LRRC8C: variants seen among roughly 807,000 people sequenced by gnomAD.
LRRC8C encodes volume-regulated anion channel subunit LRRC8C.
A neutral mutation model predicts 55.3 loss-of-function variants in LRRC8C; 20 were observed. That is an observed-to-expected ratio of 0.36 (90% CI 0.25 to 0.53). The LOEUF (loss-of-function observed/expected upper bound fraction) is 0.53. LRRC8C is among the 20% of genes least tolerant of loss of function. The probability of loss-of-function intolerance (pLI) is 0.92; values close to 1 mark genes in which losing one functional copy is unlikely to be tolerated. For missense variants in LRRC8C, 659 were observed against 951.4 expected (o/e 0.69, Z 4.04); for synonymous variants, 376 against 360.7 (o/e 1.04, Z -0.48).
At chr1:89,623,010 A>G in the LRRC8C span, among the ~76,000 whole-genome samples, 1 of 152,188 alleles carries the variant, frequency 6.6e-6, no homozygotes, top group African/African-American at 2.4e-5. Context: ...AAGAGATCAG[A>G]GATGTTTTCA....
the LRRC8C span, among the ~76,000 whole-genome samples, chr1:89,619,765 A>T: frequency 1.3e-5 from 2 of 152,190 alleles, no homozygotes; most frequent in African/African-American, 4.8e-5. Context: ...TATTAATAAA[A>T]ATTAATGTTT....
intron 2 of LRRC8C, among the ~76,000 whole-genome samples, chr1:89,708,206 A>G (rs2101346964): frequency 6.6e-6 from 1 of 152,006 alleles, no homozygotes. Context: ...TTGAAAGAAA[A>G]TGGCGGAATT....
chr1:89,622,340 T>TTTTG, the LRRC8C span, among the ~76,000 whole-genome samples: 1 of 151,054 alleles, frequency 6.6e-6, no homozygotes, highest in Non-Finnish European at 1.5e-5. Flanking sequence ...GTAAAATTTT[T>TTTTG]TTTTTTTTTT....
chr1:89,716,167 G>A lies in LRRC8C; in HGVS notation c.*1185G>A, dbSNP rs183696870. The A allele has an allele frequency of 6.6e-5, 10 of 152,188 alleles. No individual in the cohort carries two copies. The East Asian group carries it at 1.9e-3, about 29-fold the overall frequency. The allele number at this position is 152,188 out of a possible 1,614,324, so 9.4% of individuals were successfully genotyped here. A position where few individuals can be genotyped will look rare whatever the true frequency, so the allele number is the denominator to read the frequency against. On this transcript the variant is annotated 3_prime_UTR_variant, in exon 3 of 3. Coordinates refer to ENST00000370454, the MANE Select transcript of LRRC8C (RefSeq NM_032270.5). ...TTTAAATAGGATTTACATTGTTTTA[G>A]GTATTATAAATTACCTAGAGATGAT...
chr1:89,663,260 G>A (rs1225373832), intron 1 of LRRC8C, among the ~76,000 whole-genome samples: 3 of 152,112 alleles, frequency 2.0e-5, no homozygotes, highest in African/African-American at 4.8e-5. Flanking sequence ...CTTTGCTATT[G>A]TGAAGAGTGC....
intron 1 of LRRC8C, among the ~76,000 whole-genome samples, chr1:89,668,694 A>C (rs556873396): frequency 6.6e-6 from 1 of 152,298 alleles, no homozygotes; most frequent in Admixed American, 6.5e-5. Context: ...AATTTTTGCT[A>C]TGCCCTTCAC....
chr1:89,655,671 A>G (rs1282608973), intron 1 of LRRC8C, among the ~76,000 whole-genome samples: 1 of 152,236 alleles, frequency 6.6e-6, no homozygotes, highest in Non-Finnish European at 1.5e-5. Context: ...AAAGAGCTAG[A>G]GAGAGCAAGA....
At chr1:89,675,522 G>A (rs1657526266) in intron 1 of LRRC8C, among the ~76,000 whole-genome samples, 1 of 152,178 alleles carries the variant, frequency 6.6e-6, no homozygotes, top group Non-Finnish European at 1.5e-5. Context: ...CTTTGTTCAA[G>A]GGGTAAAACT....
the LRRC8C span, among the ~76,000 whole-genome samples, chr1:89,617,220 T>A: frequency 2.6e-5 from 4 of 152,158 alleles, no homozygotes; most frequent in East Asian, 3.9e-4. Flanking sequence ...TAGGCTTGGG[T>A]TTTTTTGCCT....
At position 89,718,064 on chromosome 1, in the gene LRRC8C, A is replaced by G. The variant is rs1280915799; in HGVS notation, c.*3082A>G. On this transcript the variant is annotated 3_prime_UTR_variant, in exon 3 of 3. Coordinates refer to ENST00000370454, the MANE Select transcript of LRRC8C (RefSeq NM_032270.5). ...AACTCACCAAAGAAGACCACACCTCAGAAATTATTGCATTTTCTCATTATG... is the reference window on the plus strand; with the variant it reads ...AACTCACCAAAGAAGACCACACCTCGGAAATTATTGCATTTTCTCATTATG... 1 of 152,208 alleles carries G rather than the reference A, an allele frequency of 6.6e-6. No homozygotes were observed. The highest frequency in any genetic ancestry group is 1.5e-5 in the Non-Finnish European group (1 of 68,016). The allele number at this position is 152,208 out of a possible 1,614,324, so 9.4% of individuals were successfully genotyped here. A position where few individuals can be genotyped will look rare whatever the true frequency, so the allele number is the denominator to read the frequency against.
intron 1 of LRRC8C, among the ~76,000 whole-genome samples, chr1:89,652,037 A>G (rs1167559602): frequency 6.6e-6 from 1 of 152,104 alleles, no homozygotes; most frequent in Non-Finnish European, 1.5e-5. Context: ...GTTTGGGACT[A>G]TTTTTCTTTT....
intron 2 of LRRC8C, among the ~76,000 whole-genome samples, chr1:89,703,602 A>G (rs986400046): frequency 6.6e-6 from 1 of 151,994 alleles, no homozygotes; most frequent in Non-Finnish European, 1.5e-5. Flanking sequence ...GGGAACAACA[A>G]ATTGGTATAG....
chr1:89,640,148 G>A (rs528856753), intron 1 of LRRC8C, among the ~76,000 whole-genome samples: 3 of 152,202 alleles, frequency 2.0e-5, no homozygotes, highest in South Asian at 2.1e-4. Context: ...CACTGCAACC[G>A]CTGCCTCCTG....
At chr1:89,697,119 C>G (rs902659641) in intron 2 of LRRC8C, among the ~76,000 whole-genome samples, 5 of 152,204 alleles carry the variant, frequency 3.3e-5, no homozygotes, top group African/African-American at 4.8e-5. Flanking sequence ...TGGATATTAT[C>G]TTTTAAGGAT....
At chr1:89,651,327 G>A (rs1171857908) in intron 1 of LRRC8C, among the ~76,000 whole-genome samples, 1 of 152,110 alleles carries the variant, frequency 6.6e-6, no homozygotes, top group African/African-American at 2.4e-5. Context: ...CCAACACTTT[G>A]GGAGGCCAAG....
At position 89,719,483 on chromosome 1, in the gene LRRC8C, G is replaced by C. The variant is rs1197466826; in HGVS notation, c.*4501G>C. 1 of 152,090 alleles carries C rather than the reference G, an allele frequency of 6.6e-6. No individual in the cohort carries two copies. Among genetic ancestry groups the C allele is most frequent in the Non-Finnish European group, 1.5e-5 (1 of 68,006 alleles). The allele number at this position is 152,090 out of a possible 1,614,324, so 9.4% of individuals were successfully genotyped here. On this transcript the variant is annotated 3_prime_UTR_variant, in exon 3 of 3. Transcript: ENST00000370454. ...TGATAAAATGTCTTAATGTTATTTG[G>C]ATATGTAGTACATAGAAACAGAAAA... is the stretch of plus-strand genomic sequence containing the variant.
rs1475663072 is a variant in LRRC8C, at chr1:89,713,428, G to C, written c.858G>C (p.Lys286Asn). The C allele has an allele frequency of 1.2e-6, 2 of 1,614,028 alleles. No homozygotes were observed. The highest frequency in any genetic ancestry group is 1.7e-6 in the Non-Finnish European group (2 of 1,180,034). Residue 286 changes from lysine (K) to asparagine (N), a missense_variant, in exon 3 of 3, where the codon AAG becomes AAC. By Grantham distance (94) the Lys-to-Asn change is moderately conservative (BLOSUM62 0). This residue lies in a region of LRRC8C where 200 missense variants were observed against 360.5 expected (regional missense o/e 0.55). Coordinates refer to ENST00000370454, the MANE Select transcript of LRRC8C (RefSeq NM_032270.5). The surrounding 1 kb of genome is among the most constrained non-coding windows in gnomAD (Gnocchi z 5.2). ...IIAYNSALVS[K>N]VQFTVDCNVD... ...CATATAATAGTGCTCTGGTTTCCAA[G>C]GTCCAGTTTACAGTGGACTGTAATG... is the stretch of plus-strand genomic sequence containing the variant.
intron 2 of LRRC8C, among the ~76,000 whole-genome samples, chr1:89,695,539 T>C (rs2101311739): frequency 6.6e-6 from 1 of 152,352 alleles, no homozygotes; most frequent in Non-Finnish European, 1.5e-5. Context: ...GACAGTGTTG[T>C]AGTGATATTC....
At chr1:89,659,853 A>G (rs1007288343) in intron 1 of LRRC8C, among the ~76,000 whole-genome samples, 16 of 152,212 alleles carry the variant, frequency 1.1e-4, no homozygotes, top group African/African-American at 3.9e-4. Context: ...GGGGCTGGGC[A>G]TGCCAAAATG....
Sources: allele counts gnomAD v4.1 joint callset (sites outside exome capture counted in the v4.1 genomes callset), GRCh38; gene constraint gnomAD v4.1.1; regional missense constraint gnomAD v4.1.1; non-coding constraint Gnocchi (gnomAD v3.1); transcripts MANE v1.5; gene names NCBI Gene and HGNC (gene_info 2026-07-23, HGNC 2026-07-21).